PLS1: variants seen among roughly 807,000 people sequenced by gnomAD.
The protein encoded by PLS1 is plastin 1.
In PLS1, 32 loss-of-function variants were observed where a neutral mutation model predicts 73.7. That is an observed-to-expected ratio of 0.43 (90% CI 0.33 to 0.58). The LOEUF (loss-of-function observed/expected upper bound fraction) is 0.58. Ranked by LOEUF, PLS1 falls within the 20% of genes least tolerant of loss-of-function variation. The probability of loss-of-function intolerance (pLI) is 0.04; values close to 1 mark genes in which losing one functional copy is unlikely to be tolerated. For synonymous variants in PLS1, 217 were observed against 261.3 expected, an observed-to-expected ratio of 0.83 and a Z score of 1.63; for missense variants, 633 against 740.5, an observed-to-expected ratio of 0.85 and a Z score of 1.68.
At chr3:142,609,588 C>T (rs1301948546) in intron 1 of PLS1, among the ~76,000 whole-genome samples, 1 of 152,172 alleles carries the variant, frequency 6.6e-6, no homozygotes, top group African/African-American at 2.4e-5. Context: ...TCTTTTGCAT[C>T]CCTGGTTTTA....
chr3:142,659,024 T>C (rs948201364), intron 1 of PLS1, among the ~76,000 whole-genome samples: 3 of 152,224 alleles, frequency 2.0e-5, no homozygotes, highest in South Asian at 2.1e-4. Flanking sequence ...GCCTCAAATA[T>C]ACATTTTTAA....
chr3:142,673,367 T>C lies in PLS1; in HGVS notation c.364+2245T>C, dbSNP rs371134333. Among the ~76,000 whole-genome samples, 48 of 152,290 alleles carry C rather than the reference T, an allele frequency of 3.2e-4. 1 individual carries two copies. The East Asian group carries it at 8.3e-3, about 26-fold the overall frequency. On this transcript the variant is annotated intron_variant, in intron 4 of 15. Coordinates refer to ENST00000457734, the MANE Select transcript of PLS1 (RefSeq NM_001145319.2). ...TTTTATTGCTGAATATTCCATTCTA[T>C]GGGCAATACCACATTTTGTTTATCC...
chr3:142,698,993 T>C (rs2038269758), intron 12 of PLS1, among the ~76,000 whole-genome samples: 1 of 152,076 alleles, frequency 6.6e-6, no homozygotes, highest in Non-Finnish European at 1.5e-5. Flanking sequence ...AAATAGTGTT[T>C]GACAGGAACA....
rs1247360245 is a variant in PLS1, at chr3:142,712,760, C to T, written c.*753C>T. 6.6e-6 allele frequency: 1 copy of T among 152,536 alleles called. No homozygotes were observed. The highest frequency in any genetic ancestry group is 1.5e-5 in the Non-Finnish European group (1 of 67,972). The allele number at this position is 152,536 out of a possible 1,614,324, so 9.4% of individuals were successfully genotyped here. A position where few individuals can be genotyped will look rare whatever the true frequency, so the allele number is the denominator to read the frequency against. On this transcript the variant is annotated 3_prime_UTR_variant, in exon 16 of 16. Coordinates refer to ENST00000457734, the MANE Select transcript of PLS1 (RefSeq NM_001145319.2). ...ATTTTTTTGCACCTGAATCACCCAG[C>T]TTTTCATAAGTGGTATGTTTAATTG...
chr3:142,637,849 G>GC (rs555109999), intron 1 of PLS1, among the ~76,000 whole-genome samples: 3 of 151,514 alleles, frequency 2.0e-5, no homozygotes, highest in East Asian at 1.9e-4. Flanking sequence ...AACATGCCAG[G>GC]CCCCCCCGCC....
chr3:142,668,595 C>G (rs2037527478), intron 2 of PLS1, among the ~76,000 whole-genome samples: 1 of 150,690 alleles, frequency 6.6e-6, no homozygotes, highest in Admixed American at 6.6e-5. Flanking sequence ...GTGACTTCCC[C>G]ATGCTTATTC....
At chr3:142,623,348 C>T (rs1359423569) in intron 1 of PLS1, 1 of 152,162 alleles carries the variant, frequency 6.6e-6, no homozygotes. Context: ...GAACCACACC[C>T]ATGTTGCAGA....
At chr3:142,599,363 T>C (rs934999923) in intron 1 of PLS1, among the ~76,000 whole-genome samples, 27 of 140,744 alleles carry the variant, frequency 1.9e-4, no homozygotes, top group African/African-American at 7.3e-4. Flanking sequence ...GGAGTCTCGC[T>C]CTGTCGCCCA....
At chr3:142,711,842 A>G in intron 15 of PLS1, 30 bp from the exon 16 acceptor site, 2 of 1,607,884 alleles carry the variant, frequency 1.2e-6, no homozygotes, top group Non-Finnish European at 1.7e-6. Context: ...ACAGTGGATA[A>G]CACCAAGATA....
chr3:142,616,325 G>C (rs545553856), intron 1 of PLS1, among the ~76,000 whole-genome samples: 1 of 151,974 alleles, frequency 6.6e-6, no homozygotes, highest in African/African-American at 2.4e-5. Flanking sequence ...TAAAGGATAA[G>C]GTAGAGAAAA....
At chr3:142,652,599 T>G (rs1334735999) in intron 1 of PLS1, among the ~76,000 whole-genome samples, 1 of 152,278 alleles carries the variant, frequency 6.6e-6, no homozygotes, top group Non-Finnish European at 1.5e-5. Flanking sequence ...GGAACCAAGG[T>G]GAGGCACGTT....
chr3:142,667,918 G>A (rs2037513163), intron 2 of PLS1, among the ~76,000 whole-genome samples: 1 of 152,138 alleles, frequency 6.6e-6, no homozygotes, highest in Non-Finnish European at 1.5e-5. Flanking sequence ...GCTGAATTTT[G>A]CAATTATACC....
intron 1 of PLS1, among the ~76,000 whole-genome samples, chr3:142,660,415 G>C (rs56022646): frequency 0.062 from 9,482 of 152,068 alleles, 964 homozygotes; most frequent in African/African-American, 0.22. Flanking sequence ...TCTAGTGAAC[G>C]TCATAGCTTA....
intron 1 of PLS1, among the ~76,000 whole-genome samples, chr3:142,640,211 A>G (rs2036800648): frequency 6.6e-6 from 1 of 152,228 alleles, no homozygotes; most frequent in Non-Finnish European, 1.5e-5. Flanking sequence ...AATCTACTTC[A>G]CTTCTCTGAA....
intron 14 of PLS1, 150 bp downstream of exon 14, chr3:142,704,736 C>A (rs1172107372): frequency 2.6e-6 from 1 of 389,918 alleles, no homozygotes; most frequent in Non-Finnish European, 4.5e-6. Context: ...GCAAGCTCTG[C>A]CTCCCAGGTT....
At chr3:142,678,457 G>A (rs1185172306) in intron 6 of PLS1, among the ~76,000 whole-genome samples, 3 of 126,210 alleles carry the variant, frequency 2.4e-5, no homozygotes, top group South Asian at 2.5e-4. Context: ...AGAGTGTGAT[G>A]TTCCCCTTCC....
At chr3:142,605,703 G>A (rs976102448) in intron 1 of PLS1, among the ~76,000 whole-genome samples, 2 of 152,138 alleles carry the variant, frequency 1.3e-5, no homozygotes, top group Non-Finnish European at 2.9e-5. Flanking sequence ...TGAAATTTAT[G>A]TGCAATTTTT....
intron 1 of PLS1, among the ~76,000 whole-genome samples, chr3:142,639,275 T>C (rs367976687): frequency 6.6e-6 from 1 of 152,080 alleles, no homozygotes; most frequent in East Asian, 1.9e-4. Flanking sequence ...CTTTGTGTAG[T>C]CCCTGGGTGT....
intron 12 of PLS1, among the ~76,000 whole-genome samples, chr3:142,701,171 T>C (rs148065291): frequency 6.6e-6 from 1 of 152,364 alleles, no homozygotes; most frequent in African/African-American, 2.4e-5. Flanking sequence ...TTACCTTGCA[T>C]AGGTTCTTCA....
Sources: gnomAD v4.1 joint callset for allele counts (sites outside exome capture counted in the v4.1 genomes callset) on GRCh38, gnomAD v4.1.1 for gene constraint, MANE v1.5 for transcripts, NCBI Gene and HGNC (gene_info 2026-07-23, HGNC 2026-07-21) for gene names.